FBXL5: variants seen among roughly 807,000 people sequenced by gnomAD.
The protein encoded by FBXL5 is F-box/LRR-repeat protein 5.
A neutral mutation model predicts 78.3 loss-of-function variants in FBXL5; 26 were observed. The observed-to-expected ratio is 0.33, with a 90% confidence interval of 0.24 to 0.46. FBXL5 has a LOEUF of 0.46. Among genes scored for constraint, FBXL5 ranks in the 20% least tolerant of loss-of-function variants. FBXL5 has a pLI of 1.00. For synonymous variants in FBXL5, 295 were observed against 282.5 expected, an observed-to-expected ratio of 1.04 and a Z score of -0.45; for missense variants, 710 against 829.2, an observed-to-expected ratio of 0.86 and a Z score of 1.77.
intron 5 of FBXL5, among the ~76,000 whole-genome samples, chr4:15,631,763 T>C (rs1342156864): frequency 2.0e-5 from 3 of 149,042 alleles, no homozygotes; most frequent in African/African-American, 7.3e-5. Context: ...TTTGATGGGG[T>C]TGTTTTTTTT....
At chr4:15,681,080 G>T (rs1251518867) in intron 1 of FBXL5, among the ~76,000 whole-genome samples, 2 of 151,628 alleles carry the variant, frequency 1.3e-5, no homozygotes, top group Admixed American at 1.3e-4. Context: ...AATCATTAGA[G>T]GACAGAAATA....
At chr4:15,618,289 T>C (rs1360638019) in intron 9 of FBXL5, among the ~76,000 whole-genome samples, 1 of 152,092 alleles carries the variant, frequency 6.6e-6, no homozygotes, top group East Asian at 1.9e-4. Context: ...AACTACACTT[T>C]AAGAGGCTGA....
chr4:15,612,264 A>ACCG lies in FBXL5; in HGVS notation c.1998_1999+1dup. The ACCG allele has an allele frequency of 6.3e-7, 1 of 1,583,164 alleles. No homozygotes were observed. The highest frequency in any genetic ancestry group is 8.6e-7 in the Non-Finnish European group (1 of 1,169,424). On this transcript the variant is annotated splice_donor_variant, in intron 10 of 10. Transcript: ENST00000341285. LOFTEE classifies it high-confidence loss of function. ...AATTATCGCACTGTTAAAAGGCATTACCGTTAATGTTGTCACAGTAGTAAA... is the reference window on the plus strand; with the variant it reads ...AATTATCGCACTGTTAAAAGGCATTACCGCCGTTAATGTTGTCACAGTAGTAAA...
chr4:15,643,571 A>G (rs1169013615), intron 2 of FBXL5, among the ~76,000 whole-genome samples: 1 of 20,482 alleles, frequency 4.9e-5, no homozygotes, highest in East Asian at 1.1e-3. Flanking sequence ...ATGTCTGGCT[A>G]AATTTTTATA....
chr4:15,674,044 G>T (rs1164392829), intron 1 of FBXL5, among the ~76,000 whole-genome samples: 1 of 152,052 alleles, frequency 6.6e-6, no homozygotes, highest in South Asian at 2.1e-4. Context: ...TTACATGCCA[G>T]AACAAAAATT....
At chr4:15,619,553 A>G (rs1212745666) in intron 9 of FBXL5, among the ~76,000 whole-genome samples, 1 of 150,442 alleles carries the variant, frequency 6.6e-6, no homozygotes, top group Non-Finnish European at 1.5e-5. Flanking sequence ...CTAACATCAT[A>G]TTCAGTGGTG....
At chr4:15,609,233 C>T (rs1722080236) in intron 10 of FBXL5, among the ~76,000 whole-genome samples, 1 of 151,494 alleles carries the variant, frequency 6.6e-6, no homozygotes, top group South Asian at 2.1e-4. Flanking sequence ...TATATAAAGC[C>T]TAAATTACAT....
At chr4:15,650,826 T>G (rs1422164109) in intron 1 of FBXL5, among the ~76,000 whole-genome samples, 1 of 151,810 alleles carries the variant, frequency 6.6e-6, no homozygotes, top group African/African-American at 2.4e-5. Context: ...AGAGATGAGG[T>G]TTCACCATCT....
At chr4:15,607,715 C>G (rs1721982979) in intron 10 of FBXL5, among the ~76,000 whole-genome samples, 1 of 152,162 alleles carries the variant, frequency 6.6e-6, no homozygotes, top group South Asian at 2.1e-4. Flanking sequence ...CCTAGTGCCT[C>G]TCCTCAAGAC....
intron 1 of FBXL5, among the ~76,000 whole-genome samples, chr4:15,680,536 G>C (rs1718190224): frequency 6.6e-6 from 1 of 152,062 alleles, no homozygotes; most frequent in Non-Finnish European, 1.5e-5. Context: ...AATTAGCCTG[G>C]CATGGTGGCG....
At chr4:15,622,825 T>TACAAC (rs1384203944) in intron 9 of FBXL5, among the ~76,000 whole-genome samples, 1 of 152,240 alleles carries the variant, frequency 6.6e-6, no homozygotes, top group Non-Finnish European at 1.5e-5. Context: ...AGACAGATCC[T>TACAAC]ACGTGTTCCC....
intron 2 of FBXL5, chr4:15,641,702 C>T (rs953569690): frequency 4.6e-6 from 2 of 431,804 alleles, no homozygotes; most frequent in African/African-American, 4.5e-5. Flanking sequence ...CAACCCTAAT[C>T]CCCATGTTGT....
intron 1 of FBXL5, among the ~76,000 whole-genome samples, chr4:15,647,677 T>C (rs1001524701): frequency 2.0e-5 from 3 of 152,122 alleles, no homozygotes; most frequent in African/African-American, 7.2e-5. Context: ...ATAAAGAGAC[T>C]CTAAATTACA....
intron 9 of FBXL5, among the ~76,000 whole-genome samples, chr4:15,622,940 A>G (rs1712632988): frequency 6.6e-6 from 1 of 152,204 alleles, no homozygotes; most frequent in Non-Finnish European, 1.5e-5. Context: ...CCTAAAGAAT[A>G]AGTGCAACTT....
chr4:15,625,679 T>A lies in FBXL5; in HGVS notation c.1423A>T (p.Thr475Ser), dbSNP rs918859626. The change falls in exon 9 of 11, where the codon ACT becomes TCT. Residue 475 changes from threonine (T) to serine (S), a missense_variant. By Grantham distance (58) the Thr-to-Ser change is moderately conservative. Transcript: ENST00000341285. Reference protein sequence around the residue: ...WTKPVSSENFTSPYVWMLDAE... With the variant: ...WTKPVSSENFSSPYVWMLDAE... ...TCTAACATCCACACATAAGGAGAAG[T>A]GAAATTCTCAGAAGAAACAGGCTTA... 6.2e-7 allele frequency: 1 copy of A among 1,614,228 alleles called. No individual in the cohort carries two copies. Among genetic ancestry groups the A allele is most frequent in the African/African-American group, 1.3e-5 (1 of 75,062 alleles).
chr4:15,631,803 A>G (rs1443376469), intron 5 of FBXL5, among the ~76,000 whole-genome samples: 3 of 151,786 alleles, frequency 2.0e-5, no homozygotes, highest in Admixed American at 6.6e-5. Context: ...TTCTTTGTAG[A>G]TTCTGGATAT....
chr4:15,633,421 A>T (rs947497637), intron 5 of FBXL5, among the ~76,000 whole-genome samples: 1 of 152,234 alleles, frequency 6.6e-6, no homozygotes, highest in African/African-American at 2.4e-5. Context: ...AATAACTAAA[A>T]GGAAGCAGGA....
Position 15,630,768 on chromosome 4 carries a change from T to C in FBXL5, c.790A>G (p.Thr264Ala), listed in dbSNP as rs1430830322. The change falls in exon 6 of 11, where the codon ACT (threonine) becomes GCT (alanine). Residue 264 changes from threonine to alanine, a missense_variant. By Grantham distance (58) the Thr-to-Ala change is moderately conservative. Around this residue, in one of 4 missense-constraint regions of FBXL5, gnomAD observed 517 missense variants for 542.9 expected, o/e 0.95. Coordinates refer to ENST00000341285, the MANE Select transcript of FBXL5 (RefSeq NM_012161.4). ...ARGDWYSGPATELDTEPDDEW... is the reference protein window; with the variant it reads ...ARGDWYSGPAAELDTEPDDEW... ...TCATCAGGTTCAGTATCAAGTTCAG[T>C]TGCGGGACCACTATACCAGTCACCT... 5.0e-6 allele frequency: 8 copies of C among 1,613,098 alleles called. No individual in the cohort carries two copies. Among genetic ancestry groups the C allele is most frequent in the East Asian group, 4.5e-5 (2 of 44,804 alleles).
chr4:15,655,251 C>T lies in FBXL5; in HGVS notation c.37G>A (p.Ala13Thr), dbSNP rs1337626441. 3.5e-6 allele frequency: 5 copies of T among 1,441,758 alleles called. No homozygotes were observed. Among genetic ancestry groups the T allele is most frequent in the East Asian group, 3.0e-5 (1 of 33,344 alleles). The allele number at this position is 1,441,758 out of a possible 1,614,324, so 89.3% of individuals were successfully genotyped here. The part of the protein sequence containing the change: ...PFPEEVDVFT[A>T]PHWRMKQLVG... Reference sequence around the variant, plus strand: ...AGCTGCTTCATCCGCCAGTGTGGGGCGGTGAAGACGTCCACTTCTTCAGGA... The same window carrying T: ...AGCTGCTTCATCCGCCAGTGTGGGGTGGTGAAGACGTCCACTTCTTCAGGA... The change falls in exon 1 of 11, where the codon GCC becomes ACC. Residue 13 changes from alanine (A) to threonine (T), a missense_variant. Transcript: ENST00000341285.
Sources: allele counts gnomAD v4.1 joint callset (sites outside exome capture counted in the v4.1 genomes callset), GRCh38; gene constraint gnomAD v4.1.1; regional missense constraint gnomAD v4.1.1; transcripts MANE v1.5; gene names NCBI Gene and HGNC (gene_info 2026-07-23, HGNC 2026-07-21).